The following LEPR variants were observed in gnomAD, a reference collection of about 807,000 sequenced individuals.
LEPR encodes OB receptor.
LEPR carries 56 observed loss-of-function variants against 114.7 expected under a neutral mutation model. The ratio of observed to expected loss-of-function variants is 0.49; its 90% CI spans 0.39 to 0.61. The LOEUF (loss-of-function observed/expected upper bound fraction) is 0.61. LEPR is among the 20% of genes least tolerant of loss of function. The pLI, the probability that LEPR is intolerant of heterozygous loss-of-function variation, is 0.00. For missense variants in LEPR, 1,202 were observed against 1,352.9 expected (o/e 0.89, Z 1.75); for synonymous variants, 443 against 461.4 (o/e 0.96, Z 0.51).
chr1:65,464,981 G>A lies in LEPR; in HGVS notation c.-21+39603G>A, dbSNP rs572763365. On this transcript the variant is annotated intron_variant, in intron 2 of 19. Coordinates refer to ENST00000349533, the MANE Select transcript of LEPR (RefSeq NM_002303.6). ...GATCATTTCAAAAATCCAACTCCTG[G>A]ATTCATTGATTTTTTTGAAGGGTTT... Among the ~76,000 whole-genome samples the A allele has an allele frequency of 1.9e-4, 29 of 152,178 alleles. No individual in the cohort carries two copies. The South Asian group carries it at 5.8e-3, about 30-fold the overall frequency.
intron 2 of LEPR, among the ~76,000 whole-genome samples, chr1:65,484,187 G>A (rs899838247): frequency 3.3e-5 from 5 of 151,766 alleles, no homozygotes; most frequent in Admixed American, 6.6e-5. Context: ...GTTTGTATCC[G>A]TCCACTAGGC....
chr1:65,429,965 T>C (rs754981849), intron 2 of LEPR: 1 of 1,578,886 alleles, frequency 6.3e-7, no homozygotes, highest in Non-Finnish European at 8.7e-7. Context: ...CAGTAGTGCC[T>C]GTCGGGAACT....
At chr1:65,595,217 A>G (rs1357542047) in intron 6 of LEPR, among the ~76,000 whole-genome samples, 2 of 152,024 alleles carry the variant, frequency 1.3e-5, no homozygotes, top group South Asian at 2.1e-4. Context: ...TAGTTAGGCA[A>G]GTGTCTCTGT....
Position 65,636,591 on chromosome 1 carries a change from C to T in LEPR, c.3074C>T (p.Ser1025Phe). ...AATTCTCCGTTGAAGGATTCTTTCT[C>T]TAATAGCTCATGGGAGATAGAGGCC... ...SKNSPLKDSF[S>F]NSSWEIEAQA... The change falls in exon 20 of 20, where the codon TCT (serine) becomes TTT (phenylalanine). Residue 1025 changes from serine to phenylalanine, a missense_variant. Ser to Phe is a radical substitution (Grantham distance 155). Transcript: ENST00000349533. The T allele has an allele frequency of 1.9e-6, 3 of 1,614,116 alleles. No individual in the cohort carries two copies. The highest frequency in any genetic ancestry group is 1.1e-5 in the South Asian group (1 of 91,080).
intron 2 of LEPR, among the ~76,000 whole-genome samples, chr1:65,508,499 T>A (rs1648871097): frequency 6.6e-6 from 1 of 152,208 alleles, no homozygotes; most frequent in Non-Finnish European, 1.5e-5. Context: ...TGACTGTAGA[T>A]GTATAGGTTT....
At position 65,471,183 on chromosome 1, in the gene LEPR, G is replaced by A. The variant is rs1647078585; in HGVS notation, c.-21+45805G>A. 1.3e-5 allele frequency among the ~76,000 whole-genome samples: 2 copies of A among 152,184 alleles called. 1 individual carries two copies. Among genetic ancestry groups the A allele is most frequent in the African/African-American group, 4.8e-5 (2 of 41,448 alleles). ...TCACTCCTAATTTGTCTGCATGCAAGGAGAACCAGACTTAAGGTAGGATCC... is the reference window on the plus strand; with the variant it reads ...TCACTCCTAATTTGTCTGCATGCAAAGAGAACCAGACTTAAGGTAGGATCC... On this transcript the variant is annotated intron_variant, in intron 2 of 19. Transcript: ENST00000349533.
intron 2 of LEPR, among the ~76,000 whole-genome samples, chr1:65,441,555 G>A (rs1570455358): frequency 6.6e-6 from 1 of 152,092 alleles, no homozygotes; most frequent in Admixed American, 6.5e-5. Context: ...AAACTTTTTT[G>A]TTTATTTAAT....
chr1:65,529,292 G>A (rs998132904), intron 2 of LEPR, among the ~76,000 whole-genome samples: 3 of 151,854 alleles, frequency 2.0e-5, no homozygotes, highest in Non-Finnish European at 2.9e-5. Flanking sequence ...AGGCTGAGAC[G>A]GGTGGATCAC....
At chr1:65,516,910 C>T (rs1047492317) in intron 2 of LEPR, among the ~76,000 whole-genome samples, 2 of 152,182 alleles carry the variant, frequency 1.3e-5, no homozygotes, top group African/African-American at 4.8e-5. Flanking sequence ...ACCCTTTTCC[C>T]TTCCAAAGGC....
intron 5 of LEPR, among the ~76,000 whole-genome samples, chr1:65,584,863 A>G (rs1160515845): frequency 2.0e-5 from 3 of 151,234 alleles, no homozygotes; most frequent in Non-Finnish European, 4.4e-5. Flanking sequence ...CTCTTTGTTG[A>G]TTTTCCATTT....
At chr1:65,474,891 C>A (rs1188675855) in intron 2 of LEPR, among the ~76,000 whole-genome samples, 1 of 150,802 alleles carries the variant, frequency 6.6e-6, no homozygotes, top group Non-Finnish European at 1.5e-5. Flanking sequence ...CCTGTAATCC[C>A]AGCTACTTGG....
chr1:65,546,234 G>A (rs1651707732), intron 2 of LEPR, among the ~76,000 whole-genome samples: 1 of 152,208 alleles, frequency 6.6e-6, no homozygotes, highest in South Asian at 2.1e-4. Context: ...TTTGAAGTCA[G>A]GTAGAGTGAT....
chr1:65,494,695 A>C (rs1400047109), intron 2 of LEPR, among the ~76,000 whole-genome samples: 2 of 152,026 alleles, frequency 1.3e-5, no homozygotes, highest in Admixed American at 6.6e-5. Context: ...TTATAGACTG[A>C]CTTCTCTCTT....
In LEPR at chr1:65,440,000, C is replaced by CAA. The variant is rs550347312; in HGVS notation, c.-21+14645_-21+14646dup. Among the ~76,000 whole-genome samples, 354 of 57,928 alleles carry CAA rather than the reference C, an allele frequency of 6.1e-3. 20 individuals are homozygous for CAA. Among genetic ancestry groups the CAA allele is most frequent in the East Asian group, 0.011 (16 of 1,464 alleles). 38.0% of individuals were successfully genotyped at this position (57,928 alleles called of 152,430 possible). On this transcript the variant is annotated intron_variant, in intron 2 of 19. Coordinates refer to ENST00000349533, the MANE Select transcript of LEPR (RefSeq NM_002303.6). ...TGGGCGAGGAAGAGAGATTCTGTCTCAAAAAAAAAAAAAAAAAAAAAAAAG... is the reference window on the plus strand; with the variant it reads ...TGGGCGAGGAAGAGAGATTCTGTCTCAAAAAAAAAAAAAAAAAAAAAAAAAAG...
intron 2 of LEPR, among the ~76,000 whole-genome samples, chr1:65,516,884 A>AT (rs1260937999): frequency 2.6e-5 from 4 of 152,132 alleles, no homozygotes; most frequent in African/African-American, 9.7e-5. Flanking sequence ...TGAGACCTTG[A>AT]TTTTGCCACC....
At chr1:65,576,996 G>GC in intron 5 of LEPR, 1 of 296,254 alleles carries the variant, frequency 3.4e-6, no homozygotes, top group Non-Finnish European at 6.8e-6. Flanking sequence ...TGGTGCTGTG[G>GC]CTTTTTCTGC....
chr1:65,636,747 T>C lies in LEPR; in HGVS notation c.3230T>C (p.Ile1077Thr). 1 of 1,613,000 alleles carries C rather than the reference T, an allele frequency of 6.2e-7. No individual in the cohort carries two copies. The highest frequency in any genetic ancestry group is 8.5e-7 in the Non-Finnish European group (1 of 1,179,684). Reference sequence around the variant, plus strand: ...GAAGAAAATAATGATAAAAAGTCTATCTATTATTTAGGGGTCACCTCAATC... The same window carrying C: ...GAAGAAAATAATGATAAAAAGTCTACCTATTATTTAGGGGTCACCTCAATC... ...FPEENNDKKS[I>T]YYLGVTSIKK... The change falls in exon 20 of 20, where the codon ATC becomes ACC. Residue 1077 changes from isoleucine to threonine, a missense_variant. Transcript: ENST00000349533.
intron 10 of LEPR, 91 bp downstream of exon 10, chr1:65,602,051 A>G: frequency 9.0e-7 from 1 of 1,109,308 alleles, no homozygotes; most frequent in South Asian, 1.2e-5. Context: ...CTTACAGATT[A>G]TTTGCTTCCT....
intron 2 of LEPR, among the ~76,000 whole-genome samples, chr1:65,483,004 A>T (rs1332165954): frequency 6.6e-6 from 1 of 151,480 alleles, no homozygotes; most frequent in Non-Finnish European, 1.5e-5. Context: ...AAAAAAAAAA[A>T]GTAAATGTGG....
Sources: gnomAD v4.1 joint callset for allele counts (sites outside exome capture counted in the v4.1 genomes callset) on GRCh38, gnomAD v4.1.1 for gene constraint, MANE v1.5 for transcripts, NCBI Gene and HGNC (gene_info 2026-07-23, HGNC 2026-07-21) for gene names.